VNN1: variants seen among roughly 807,000 people sequenced by gnomAD.
VNN1 encodes the protein pantetheinase.
In VNN1, 29 loss-of-function variants were observed where a neutral mutation model predicts 41.9. The observed-to-expected ratio is 0.69, with a 90% CI of 0.52 to 0.94. VNN1 has a LOEUF of 0.94. VNN1 is among the 40% of genes least tolerant of loss of function. VNN1 has a pLI of 0.00. For synonymous variants in VNN1, 233 were observed against 224.4 expected (o/e 1.04, Z -0.34); for missense variants, 637 against 621.1 (o/e 1.03, Z -0.27).
chr6:132,702,888 C>T (rs994965838), intron 2 of VNN1, among the ~76,000 whole-genome samples: 2 of 152,198 alleles, frequency 1.3e-5, no homozygotes, highest in Non-Finnish European at 2.9e-5. Flanking sequence ...GTACTCACCA[C>T]GAGGCTTGGG....
At chr6:132,694,264 A>T in intron 2 of VNN1, 82 bp from the exon 3 acceptor site, 1 of 1,341,632 alleles carries the variant, frequency 7.5e-7, no homozygotes, top group Non-Finnish European at 1.0e-6. Flanking sequence ...AGTTGCCTAA[A>T]CCTATTATTT....
At chr6:132,711,884 G>T in intron 1 of VNN1, 45 bp from the exon 2 acceptor site, 1 of 1,602,100 alleles carries the variant, frequency 6.2e-7, no homozygotes, top group South Asian at 1.1e-5. Context: ...TGCAAGAGGA[G>T]CTGAGGAGCT....
chr6:132,700,065 AG>A (rs1458287122), intron 2 of VNN1, among the ~76,000 whole-genome samples: 7 of 152,240 alleles, frequency 4.6e-5, no homozygotes, highest in African/African-American at 1.7e-4. Flanking sequence ...AGGGACAAAA[AG>A]TTTAAACCAT....
At chr6:132,704,153 A>T (rs957748783) in intron 2 of VNN1, among the ~76,000 whole-genome samples, 1 of 152,000 alleles carries the variant, frequency 6.6e-6, no homozygotes, top group Admixed American at 6.6e-5. Context: ...CAGATCATCC[A>T]GAAGGAAAAA....
intron 5 of VNN1, among the ~76,000 whole-genome samples, chr6:132,689,970 G>T (rs1344669741): frequency 2.6e-5 from 4 of 152,250 alleles, no homozygotes; most frequent in Middle Eastern, 3.4e-3. Context: ...ATTCTTGCCA[G>T]AAATCTGCCA....
intron 5 of VNN1, among the ~76,000 whole-genome samples, chr6:132,687,489 T>C (rs755586006): frequency 5.3e-5 from 8 of 152,136 alleles, no homozygotes; most frequent in Non-Finnish European, 1.2e-4. Context: ...AAAGGGAGAT[T>C]CCAGGATGAC....
chr6:132,712,997 C>T (rs371921570), intron 1 of VNN1, among the ~76,000 whole-genome samples: 119 of 152,098 alleles, frequency 7.8e-4, no homozygotes, highest in Middle Eastern at 3.4e-3. Flanking sequence ...TAGCTGGGCA[C>T]GGTGGCATGC....
chr6:132,683,461 G>T (rs1331391009), intron 6 of VNN1, 139 bp from the exon 7 acceptor site: 24 of 916,860 alleles, frequency 2.6e-5, no homozygotes, highest in Non-Finnish European at 3.7e-5. Context: ...TTGAAATGTT[G>T]CCAAGTACAA....
intron 5 of VNN1, 136 bp downstream of exon 5, chr6:132,692,087 C>T (rs1170065521): frequency 2.8e-5 from 28 of 1,011,522 alleles, no homozygotes; most frequent in Non-Finnish European, 3.6e-5. Flanking sequence ...AAATAAACAA[C>T]AAAATTTTTA....
chr6:132,690,024 G>A (rs1157998584), intron 5 of VNN1, among the ~76,000 whole-genome samples: 3 of 152,058 alleles, frequency 2.0e-5, no homozygotes, highest in African/African-American at 7.2e-5. Context: ...ACATCAAATT[G>A]GCCACTGAGT....
At position 132,683,196 on chromosome 6, in the gene VNN1, C is replaced by T; in HGVS notation, c.1486G>A (p.Ala496Thr). The change falls in exon 7 of 7, where the codon GCA (alanine) becomes ACA (threonine). Residue 496 changes from alanine (A) to threonine (T), a missense_variant. Ala to Thr is a moderately conservative substitution (Grantham distance 58). Transcript: ENST00000367928. The stretch of plus-strand genomic sequence containing the variant: ...ATAACTATTAGCATTATTATTCTTG[C>T]TTGTGCTGTGAGGCCTGATGAAGCA... ...SNASSGLTAQ[A>T]RIIMLIVIAP... 1.2e-6 allele frequency: 2 copies of T among 1,614,072 alleles called. No homozygotes were observed. Among genetic ancestry groups the T allele is most frequent in the Non-Finnish European group, 1.7e-6 (2 of 1,179,996 alleles).
Position 132,682,643 on chromosome 6 carries a change from T to C in VNN1, c.*497A>G, listed in dbSNP as rs41286180. On this transcript the variant is annotated 3_prime_UTR_variant, in exon 7 of 7. Transcript: ENST00000367928. ...GACCCTGTCTCCAAATACAGTCACATTCTGAGGTGCTTCAACATGTAAATT... is the reference window on the plus strand; with the variant it reads ...GACCCTGTCTCCAAATACAGTCACACTCTGAGGTGCTTCAACATGTAAATT... 1 of 152,802 alleles carries C rather than the reference T, an allele frequency of 6.5e-6. No homozygotes were observed. The highest frequency in any genetic ancestry group is 1.5e-5 in the Non-Finnish European group (1 of 68,526). 9.5% of individuals were successfully genotyped at this position (152,802 alleles called of 1,614,324 possible).
intron 2 of VNN1, among the ~76,000 whole-genome samples, chr6:132,701,459 G>A (rs1778448383): frequency 6.6e-6 from 1 of 152,200 alleles, no homozygotes; most frequent in Non-Finnish European, 1.5e-5. Context: ...ATGGGGAAAA[G>A]CTGAAAGCCT....
At chr6:132,685,704 C>A (rs2114332266) in intron 5 of VNN1, among the ~76,000 whole-genome samples, 1 of 152,238 alleles carries the variant, frequency 6.6e-6, no homozygotes, top group Admixed American at 6.5e-5. Flanking sequence ...CTGCTCTATA[C>A]CTAGAGCTAG....
Position 132,682,355 on chromosome 6 carries a change from T to TA in VNN1, c.*784dup, listed in dbSNP as rs1211189544. 1.3e-5 allele frequency: 2 copies of TA among 152,252 alleles called. No individual in the cohort carries two copies. The highest frequency in any genetic ancestry group is 2.9e-5 in the Non-Finnish European group (2 of 68,084). The allele number at this position is 152,252 out of a possible 1,614,324, so 9.4% of individuals were successfully genotyped here. ...CTTTGATTCATTTGCCAGGGCTGCCTAACAAAGTACCATGGACTGGGTGAC... is the reference window on the plus strand; with the variant it reads ...CTTTGATTCATTTGCCAGGGCTGCCTAAACAAAGTACCATGGACTGGGTGAC... On this transcript the variant is annotated 3_prime_UTR_variant, in exon 7 of 7. Coordinates refer to ENST00000367928, the MANE Select transcript of VNN1 (RefSeq NM_004666.3).
Position 132,709,397 on chromosome 6 carries a change from C to T in VNN1, c.341+2312G>A, listed in dbSNP as rs111492809. Among the ~76,000 whole-genome samples the T allele has an allele frequency of 2.1e-3, 326 of 152,186 alleles. 1 individual carries two copies. Among genetic ancestry groups the T allele is most frequent in the African/African-American group, 7.7e-3 (318 of 41,520 alleles). On this transcript the variant is annotated intron_variant, in intron 2 of 6. Coordinates refer to ENST00000367928, the MANE Select transcript of VNN1 (RefSeq NM_004666.3). Reference sequence around the variant, plus strand: ...GAGTTAATAAATTAAGGCAGCTGGGCGTGATGACTCATACCTGTAATCCCA... The same window carrying T: ...GAGTTAATAAATTAAGGCAGCTGGGTGTGATGACTCATACCTGTAATCCCA...
intron 5 of VNN1, among the ~76,000 whole-genome samples, chr6:132,686,273 C>A (rs1283445078): frequency 6.6e-6 from 1 of 151,988 alleles, no homozygotes; most frequent in African/African-American, 2.4e-5. Context: ...ATGGGGAAAC[C>A]CCATCTGTAC....
intron 2 of VNN1, among the ~76,000 whole-genome samples, chr6:132,701,220 T>A (rs1415136211): frequency 6.6e-6 from 1 of 152,196 alleles, no homozygotes; most frequent in Non-Finnish European, 1.5e-5. Flanking sequence ...AATTTAAATG[T>A]TAAATTTTAA....
intron 5 of VNN1, among the ~76,000 whole-genome samples, chr6:132,691,449 A>G (rs1231991702): frequency 6.6e-6 from 1 of 151,984 alleles, no homozygotes; most frequent in Non-Finnish European, 1.5e-5. Context: ...ATTCCATTGA[A>G]CTATCTTGGT....
Sources: gnomAD v4.1 joint callset for allele counts (sites outside exome capture counted in the v4.1 genomes callset) on GRCh38, gnomAD v4.1.1 for gene constraint, MANE v1.5 for transcripts, NCBI Gene and HGNC (gene_info 2026-07-23, HGNC 2026-07-21) for gene names.